The following CACNA1A variants were observed in gnomAD, a reference collection of about 807,000 sequenced individuals.
The protein encoded by CACNA1A is voltage-dependent P/Q-type calcium channel subunit alpha-1A.
CACNA1A carries 57 observed loss-of-function variants against 262.4 expected under a neutral mutation model. The ratio of observed to expected loss-of-function variants is 0.22; its 90% CI spans 0.18 to 0.27. The LOEUF is 0.27. CACNA1A is among the 10% of genes least tolerant of loss of function. CACNA1A has a pLI of 1.00. For synonymous variants in CACNA1A, 1,431 were observed against 1,419.3 expected, an observed-to-expected ratio of 1.01 and a Z score of -0.18; for missense variants, 2,526 against 3,562.8, an observed-to-expected ratio of 0.71 and a Z score of 7.41.
chr19:13,502,948 C>G (rs763314710), intron 1 of CACNA1A, among the ~76,000 whole-genome samples: 7 of 152,302 alleles, frequency 4.6e-5, no homozygotes, highest in Non-Finnish European at 7.4e-5. Flanking sequence ...GAGGAACCTG[C>G]TTTCCATATC....
chr19:13,459,650 G>C (rs1463044934), intron 1 of CACNA1A, among the ~76,000 whole-genome samples: 1 of 152,178 alleles, frequency 6.6e-6, no homozygotes, highest in African/African-American at 2.4e-5. Context: ...GCAACGCCAA[G>C]CCCTTCCCTG....
chr19:13,267,394 C>T (rs538338973), intron 24 of CACNA1A, among the ~76,000 whole-genome samples: 4 of 152,300 alleles, frequency 2.6e-5, no homozygotes, highest in South Asian at 2.1e-4. Context: ...TTCAGTCCCC[C>T]GCCCTTGGCA....
chr19:13,369,037 C>CA (rs71170503), intron 4 of CACNA1A, among the ~76,000 whole-genome samples: 2,284 of 47,172 alleles, frequency 0.048, 70 homozygotes, highest in Non-Finnish European at 0.065. Context: ...GACTCCGTCT[C>CA]AAAAAAAAAA....
intron 43 of CACNA1A, 182 bp from the exon 44 acceptor site, chr19:13,210,834 G>A (rs1004420572): frequency 3.5e-5 from 24 of 682,976 alleles, no homozygotes; most frequent in Non-Finnish European, 5.2e-5. Flanking sequence ...AAGTCCTGGC[G>A]GGTGGGTGTC....
intron 36 of CACNA1A, among the ~76,000 whole-genome samples, chr19:13,228,129 A>C (rs2055534783): frequency 6.6e-6 from 1 of 151,742 alleles, no homozygotes; most frequent in South Asian, 2.1e-4. Flanking sequence ...GCTGGTCTCA[A>C]ACTCCTGGGC....
intron 24 of CACNA1A, among the ~76,000 whole-genome samples, chr19:13,266,508 T>G (rs2056867987): frequency 6.6e-6 from 1 of 152,230 alleles, no homozygotes; most frequent in African/African-American, 2.4e-5. Context: ...CATGTCTCCA[T>G]GGGCATTCTG....
At position 13,207,246 on chromosome 19, in the gene CACNA1A, C is replaced by T. The variant is rs1469077617; in HGVS notation, c.*67G>A. Reference sequence around the variant, plus strand: ...GTGCTGGGCCCCCGCGGCCTCTGCGCGGCTCCTCGGGTGGGGTGTGTGCGT... The same window carrying T: ...GTGCTGGGCCCCCGCGGCCTCTGCGTGGCTCCTCGGGTGGGGTGTGTGCGT... On this transcript the variant is annotated 3_prime_UTR_variant, in exon 47 of 47. Transcript: ENST00000360228. The surrounding 1 kb of genome is among the most constrained non-coding windows in gnomAD (Gnocchi z 5.7). The T allele has an allele frequency of 2.1e-6, 3 of 1,437,674 alleles. No homozygotes were observed. Among genetic ancestry groups the T allele is most frequent in the South Asian group, 1.4e-5 (1 of 73,810 alleles). 89.1% of individuals were successfully genotyped at this position (1,437,674 alleles called of 1,614,324 possible).
rs116915610 is a variant in CACNA1A at position 13,314,234 on chromosome 19, A to G, written c.1556-1453T>C. Among the ~76,000 whole-genome samples the G allele has an allele frequency of 8.5e-3, 1,290 of 152,334 alleles. 20 individuals are homozygous for G. The highest frequency in any genetic ancestry group is 0.037 in the Middle Eastern group (11 of 294). ...GGTTTCTGAGGAGCAGAAAGCATAC[A>G]GAAAGGAAAGAGACAGAGGACTGAA... is the stretch of plus-strand genomic sequence containing the variant. On this transcript the variant is annotated intron_variant, in intron 11 of 46. Coordinates refer to ENST00000360228, the MANE Select transcript of CACNA1A (RefSeq NM_001127222.2).
rs543458967 is a variant in CACNA1A, at chr19:13,212,201, C to T, written c.6205G>A (p.Glu2069Lys). The T allele has an allele frequency of 1.2e-6, 2 of 1,613,900 alleles. No individual in the cohort carries two copies. The highest frequency in any genetic ancestry group is 2.7e-5 in the African/African-American group (2 of 75,058). Residue 2069 changes from glutamate (E) to lysine (K), a missense_variant, in exon 43 of 47, where the codon GAG becomes AAG. Coordinates refer to ENST00000360228, the MANE Select transcript of CACNA1A (RefSeq NM_001127222.2). The surrounding 1 kb of genome is among the most constrained non-coding windows in gnomAD (Gnocchi z 5.6). Reference protein sequence around the residue: ...QPNSQSVEMREMGRDGYSDSE... With the variant: ...QPNSQSVEMRKMGRDGYSDSE... The stretch of plus-strand genomic sequence containing the variant: ...TCGGAGTAGCCATCTCTGCCCATCT[C>T]TCGCATCTCCACGGACTGCGGAGCA...
intron 11 of CACNA1A, among the ~76,000 whole-genome samples, chr19:13,313,498 T>TAAAA (rs1007419624): frequency 0.032 from 2,079 of 65,630 alleles, 87 homozygotes; most frequent in East Asian, 0.1. Flanking sequence ...AGACCTTGTC[T>TAAAA]AAAAAAAAAA....
At chr19:13,461,138 G>A (rs1445487536) in intron 1 of CACNA1A, among the ~76,000 whole-genome samples, 1 of 151,990 alleles carries the variant, frequency 6.6e-6, no homozygotes, top group Non-Finnish European at 1.5e-5. Context: ...TCAGGAGTTC[G>A]AGACCAGCCT....
chr19:13,405,372 T>G (rs73505175), intron 3 of CACNA1A, among the ~76,000 whole-genome samples: 9,439 of 151,940 alleles, frequency 0.062, 981 homozygotes, highest in African/African-American at 0.21. Flanking sequence ...ATTTGTATTT[T>G]TATTTTTATT....
At chr19:13,420,905 A>C (rs886782403) in intron 3 of CACNA1A, among the ~76,000 whole-genome samples, 2 of 152,082 alleles carry the variant, frequency 1.3e-5, no homozygotes, top group Admixed American at 1.3e-4. Context: ...CCCATCCCCC[A>C]CCATCTTCTA....
chr19:13,502,795 TG>T, intron 1 of CACNA1A, among the ~76,000 whole-genome samples: 1 of 152,148 alleles, frequency 6.6e-6, no homozygotes, highest in East Asian at 1.9e-4. Context: ...AGTGACAAAT[TG>T]CCCCGAGTGT....
chr19:13,285,075 T>C lies in CACNA1A; in HGVS notation c.3685A>G (p.Thr1229Ala), dbSNP rs1217418576. The C allele has an allele frequency of 6.2e-7, 1 of 1,613,940 alleles. No individual in the cohort carries two copies. Among genetic ancestry groups the C allele is most frequent in the South Asian group, 1.1e-5 (1 of 91,082 alleles). Reference protein sequence around the residue: ...PYSSMFILSTTNPLRRLCHYI... With the variant: ...PYSSMFILSTANPLRRLCHYI... Reference sequence around the variant, plus strand: ...GCTGGGGGCCATACTCACGGGTTGGTCGTGGACAGGATGAACATGGAGCTA... The same window carrying C: ...GCTGGGGGCCATACTCACGGGTTGGCCGTGGACAGGATGAACATGGAGCTA... Residue 1229 changes from threonine (T) to alanine (A), a missense_variant, in exon 21 of 47, where the codon ACC becomes GCC. Thr to Ala is a moderately conservative substitution (Grantham distance 58). Coordinates refer to ENST00000360228, the MANE Select transcript of CACNA1A (RefSeq NM_001127222.2).
intron 3 of CACNA1A, among the ~76,000 whole-genome samples, chr19:13,396,618 A>G (rs1043561930): frequency 6.6e-6 from 1 of 152,262 alleles, no homozygotes; most frequent in African/African-American, 2.4e-5. Context: ...ATATTTAAAT[A>G]GCCTCGTGTG....
chr19:13,402,741 T>C lies in CACNA1A; in HGVS notation c.540-30962A>G, dbSNP rs1003267448. On this transcript the variant is annotated intron_variant, in intron 3 of 46. Transcript: ENST00000360228. ...TTTCATATATATATATACATATATATACACATATATATACACACATATATA... is the reference window on the plus strand; with the variant it reads ...TTTCATATATATATATACATATATACACACATATATATACACACATATATA... Among the ~76,000 whole-genome samples, 15 of 144,966 alleles carry C rather than the reference T, an allele frequency of 1.0e-4. No individual in the cohort carries two copies. In the East Asian group the frequency reaches 2.0e-3, roughly 19 times the overall value.
chr19:13,378,868 C>T (rs778274256), intron 3 of CACNA1A, among the ~76,000 whole-genome samples: 1 of 151,688 alleles, frequency 6.6e-6, no homozygotes, highest in African/African-American at 2.4e-5. Flanking sequence ...GGGGTTTCAC[C>T]ATGTTGGCTG....
At chr19:13,219,268 G>A (rs987855742) in intron 38 of CACNA1A, among the ~76,000 whole-genome samples, 1 of 150,686 alleles carries the variant, frequency 6.6e-6, no homozygotes, top group Admixed American at 6.6e-5. Flanking sequence ...TCTTGAACTC[G>A]TGACCTCAAG....
Sources: gnomAD v4.1 joint callset for allele counts (sites outside exome capture counted in the v4.1 genomes callset) on GRCh38, gnomAD v4.1.1 for gene constraint, Gnocchi (gnomAD v3.1) non-coding constraint, MANE v1.5 for transcripts, NCBI Gene and HGNC (gene_info 2026-07-23, HGNC 2026-07-21) for gene names.